Variants in TMBIM4 observed in about 807,000 individuals in gnomAD.
The protein encoded by TMBIM4 is transmembrane BAX inhibitor motif containing 4.
Under a neutral mutation model 27.7 loss-of-function variants are expected in TMBIM4, and 28 were observed. The observed-to-expected ratio is 1.01, with a 90% CI of 0.75 to 1.38. The LOEUF (loss-of-function observed/expected upper bound fraction) is 1.38, where lower values mean the gene tolerates loss of function less well. Ranked by LOEUF, TMBIM4 falls within the 40% of genes most tolerant of loss-of-function variation. TMBIM4 has a pLI of 0.00. For missense variants in TMBIM4, 265 were observed against 277.5 expected, an observed-to-expected ratio of 0.95 and a Z score of 0.32; for synonymous variants, 115 against 113.1, an observed-to-expected ratio of 1.02 and a Z score of -0.11.
At chr12:66,139,551 C>T (rs2051632973) in intron 5 of TMBIM4, 17 of 451,390 alleles carry the variant, frequency 3.8e-5, no homozygotes, top group South Asian at 2.3e-4. Flanking sequence ...TCCAGGCCAG[C>T]GTGTAGGGAT....
At chr12:66,159,512 G>C (rs1396147739) in intron 1 of TMBIM4, among the ~76,000 whole-genome samples, 1 of 152,182 alleles carries the variant, frequency 6.6e-6, no homozygotes, top group Non-Finnish European at 1.5e-5. Context: ...CCCTGAGTCA[G>C]AACTACCTGG....
chr12:66,153,189 A>C, intron 2 of TMBIM4, 151 bp downstream of exon 2: 1 of 518,776 alleles, frequency 1.9e-6, no homozygotes, highest in Non-Finnish European at 3.4e-6. Context: ...TCTTCATCAA[A>C]AACAAAACTA....
At chr12:66,154,565 A>G (rs2051901859) in intron 1 of TMBIM4, among the ~76,000 whole-genome samples, 1 of 152,206 alleles carries the variant, frequency 6.6e-6, no homozygotes, top group Non-Finnish European at 1.5e-5. Flanking sequence ...TGCTTAGAGG[A>G]CTGTGCTTAG....
At chr12:66,141,463 A>G (rs1363323844) in intron 5 of TMBIM4, among the ~76,000 whole-genome samples, 1 of 152,116 alleles carries the variant, frequency 6.6e-6, no homozygotes, top group Non-Finnish European at 1.5e-5. Flanking sequence ...AATAAAGAAG[A>G]TAAACACAAC....
At chr12:66,157,295 CA>C (rs1373968272) in intron 1 of TMBIM4, among the ~76,000 whole-genome samples, 6 of 152,004 alleles carry the variant, frequency 3.9e-5, no homozygotes, top group African/African-American at 1.5e-4. Context: ...GGTCTCCTGC[CA>C]ACAGCCAGTG....
At chr12:66,143,213 A>G (rs891160675) in intron 5 of TMBIM4, among the ~76,000 whole-genome samples, 2 of 152,166 alleles carry the variant, frequency 1.3e-5, no homozygotes, top group African/African-American at 4.8e-5. Flanking sequence ...CTCACATCTC[A>G]TTAAATATTT....
At chr12:66,149,249 T>C (rs1016707815) in intron 3 of TMBIM4, among the ~76,000 whole-genome samples, 47 of 151,970 alleles carry the variant, frequency 3.1e-4, no homozygotes, top group African/African-American at 1.0e-3. Flanking sequence ...GAGACCAGCC[T>C]GGGTGACACA....
chr12:66,168,482 A>G (rs1374260888), intron 1 of TMBIM4, among the ~76,000 whole-genome samples: 1 of 152,110 alleles, frequency 6.6e-6, no homozygotes, highest in Non-Finnish European at 1.5e-5. Flanking sequence ...GTCTAAAGCT[A>G]TGCCTTTAGA....
At chr12:66,149,590 A>C (rs2051811614) in intron 3 of TMBIM4, among the ~76,000 whole-genome samples, 1 of 152,176 alleles carries the variant, frequency 6.6e-6, no homozygotes, top group Non-Finnish European at 1.5e-5. Flanking sequence ...AGGATGGTAT[A>C]AATAAGAGTT....
At chr12:66,142,404 T>C (rs1468301639) in intron 5 of TMBIM4, among the ~76,000 whole-genome samples, 2 of 150,328 alleles carry the variant, frequency 1.3e-5, no homozygotes, top group African/African-American at 2.5e-5. Flanking sequence ...ATCCGAGATA[T>C]TACCCTACTT....
At position 66,145,862 on chromosome 12, in the gene TMBIM4, T is replaced by A; in HGVS notation, c.443A>T (p.Asp148Val). The A allele has an allele frequency of 1.3e-6, 2 of 1,598,452 alleles. No homozygotes were observed. Among genetic ancestry groups the A allele is most frequent in the Non-Finnish European group, 1.7e-6 (2 of 1,169,574 alleles). ...LTVYTLQSKK[D>V]FSKFGAGLFA... ...TTACCCTGCTCCAAATTTGCTGAAA[T>A]CCTTCTTAGATTGTAGAGTATACAC... Residue 148 changes from aspartate (D) to valine (V), a missense_variant, in exon 5 of 7, where the codon GAT becomes GTT. By Grantham distance (152) the Asp-to-Val change is radical (BLOSUM62 -3). Transcript: ENST00000358230.
chr12:66,146,521 A>G (rs1417870259), intron 4 of TMBIM4, among the ~76,000 whole-genome samples: 1 of 152,154 alleles, frequency 6.6e-6, no homozygotes, highest in Non-Finnish European at 1.5e-5. Flanking sequence ...ACCAACCACT[A>G]ACTGCTTTAT....
intron 1 of TMBIM4, among the ~76,000 whole-genome samples, chr12:66,158,186 ACTGCACTCCAGC>A (rs2051971121): frequency 6.9e-6 from 1 of 145,650 alleles, no homozygotes. Flanking sequence ...AGATTGCACC[ACTGCACTCCAGC>A]CTGGGCGACA....
chr12:66,150,360 ATTCT>A (rs1021980445), intron 3 of TMBIM4, among the ~76,000 whole-genome samples: 4 of 151,992 alleles, frequency 2.6e-5, no homozygotes, highest in African/African-American at 7.2e-5. Context: ...TACCAATCAG[ATTCT>A]TTCTCTCTCC....
chr12:66,159,436 T>C (rs755731549), intron 1 of TMBIM4, among the ~76,000 whole-genome samples: 3 of 152,136 alleles, frequency 2.0e-5, no homozygotes, highest in Non-Finnish European at 4.4e-5. Flanking sequence ...TTCATGTGAC[T>C]GCAGTCCTGC....
chr12:66,144,022 T>C (rs1384030494), intron 5 of TMBIM4, among the ~76,000 whole-genome samples: 1 of 152,184 alleles, frequency 6.6e-6, no homozygotes, highest in Non-Finnish European at 1.5e-5. Context: ...GCAGTAGATG[T>C]GATTCAGTGG....
intron 1 of TMBIM4, among the ~76,000 whole-genome samples, chr12:66,160,579 T>C (rs2052018328): frequency 1.3e-5 from 2 of 152,210 alleles, no homozygotes; most frequent in Non-Finnish European, 2.9e-5. Flanking sequence ...AATAGACTAG[T>C]TATATATACT....
intron 1 of TMBIM4, chr12:66,168,910 G>A (rs1023227730): frequency 3.2e-5 from 6 of 189,578 alleles, no homozygotes; most frequent in Non-Finnish European, 6.6e-5. Context: ...TAAATTTTAT[G>A]TTACCTGTAT....
intron 3 of TMBIM4, among the ~76,000 whole-genome samples, chr12:66,149,470 AAAG>A (rs1267846530): frequency 6.7e-6 from 1 of 150,328 alleles, no homozygotes; most frequent in Non-Finnish European, 1.5e-5. Flanking sequence ...AAAAAGAAAG[AAAG>A]AAATTTTTTT....
Sources: gnomAD v4.1 joint callset for allele counts (sites outside exome capture counted in the v4.1 genomes callset) on GRCh38, gnomAD v4.1.1 for gene constraint, MANE v1.5 for transcripts, NCBI Gene and HGNC (gene_info 2026-07-23, HGNC 2026-07-21) for gene names.